ERI3: variants seen among roughly 807,000 people sequenced by gnomAD.
The protein encoded by ERI3 is ERI1 exoribonuclease family member 3, also known as ERI1 exoribonuclease 3.
In ERI3, 18 loss-of-function variants were observed where a neutral mutation model predicts 44.4. The ratio of observed to expected loss-of-function variants is 0.41; its 90% confidence interval spans 0.28 to 0.60. The LOEUF (loss-of-function observed/expected upper bound fraction) is 0.60. Ranked by LOEUF, ERI3 falls within the 20% of genes least tolerant of loss-of-function variation. ERI3 has a pLI of 0.36. For synonymous variants in ERI3, 183 were observed against 164.8 expected, an observed-to-expected ratio of 1.11 and a Z score of -0.84; for missense variants, 294 against 435.5, an observed-to-expected ratio of 0.68 and a Z score of 2.89.
At chr1:44,336,094 T>C (rs898120374) in intron 3 of ERI3, among the ~76,000 whole-genome samples, 1 of 152,176 alleles carries the variant, frequency 6.6e-6, no homozygotes, top group Admixed American at 6.5e-5. Context: ...TTTTCTAAGT[T>C]CTATTTTTGT....
intron 3 of ERI3, among the ~76,000 whole-genome samples, chr1:44,325,797 G>GATT (rs1646301206): frequency 6.6e-6 from 1 of 152,080 alleles, no homozygotes. Flanking sequence ...AAGTAGCTGG[G>GATT]ATTACCATGC....
At chr1:44,330,173 T>C (rs949835948) in intron 3 of ERI3, among the ~76,000 whole-genome samples, 6 of 152,202 alleles carry the variant, frequency 3.9e-5, no homozygotes, top group Admixed American at 3.9e-4. Flanking sequence ...TCAAATTTCC[T>C]TTTCCGGCTC....
In ERI3 at chr1:44,221,781, G is replaced by A. The variant is rs1643903337; in HGVS notation, c.932-141C>T. 1 of 665,102 alleles carries A rather than the reference G, an allele frequency of 1.5e-6. No individual in the cohort carries two copies. Among genetic ancestry groups the A allele is most frequent in the Non-Finnish European group, 2.7e-6 (1 of 374,424 alleles). 41.2% of individuals were successfully genotyped at this position (665,102 alleles called of 1,614,324 possible). On this transcript the variant is annotated intron_variant, in intron 8 of 8. Transcript: ENST00000372257. This position sits in a 1 kb window ranked among gnomAD's most constrained non-coding sequence, Gnocchi z 5.9. ...AGAGAGGGTGGTCCCATCCCCTGGT[G>A]GCAGCATTCCTAGCTTCAGGTTGGT...
intron 1 of ERI3, chr1:44,354,236 CAA>C (rs1405549937): frequency 1.0e-6 from 1 of 985,308 alleles, no homozygotes; most frequent in Non-Finnish European, 1.2e-6. Context: ...AAATGTCTGA[CAA>C]GAGTAAATGC....
At chr1:44,307,488 T>C (rs1572238064) in intron 6 of ERI3, among the ~76,000 whole-genome samples, 1 of 152,040 alleles carries the variant, frequency 6.6e-6, no homozygotes, top group Admixed American at 6.6e-5. Flanking sequence ...AACACAGAGG[T>C]AATCGATTCT....
intron 5 of ERI3, among the ~76,000 whole-genome samples, chr1:44,309,251 T>G (rs1473057745): frequency 6.6e-6 from 1 of 152,074 alleles, no homozygotes; most frequent in Non-Finnish European, 1.5e-5. Context: ...TCCCAGCACT[T>G]TGGGAGGCAG....
chr1:44,221,790 C>A lies in ERI3; in HGVS notation c.932-150G>T. 1.5e-6 allele frequency: 1 copy of A among 651,004 alleles called. No individual in the cohort carries two copies. 40.3% of individuals were successfully genotyped at this position (651,004 alleles called of 1,614,324 possible). A position where few individuals can be genotyped will look rare whatever the true frequency, so the allele number is the denominator to read the frequency against. Reference sequence around the variant, plus strand: ...GGTCCCATCCCCTGGTGGCAGCATTCCTAGCTTCAGGTTGGTCTGGGTGAT... The same window carrying A: ...GGTCCCATCCCCTGGTGGCAGCATTACTAGCTTCAGGTTGGTCTGGGTGAT... On this transcript the variant is annotated intron_variant, in intron 8 of 8. Transcript: ENST00000372257. The surrounding 1 kb of genome is among the most constrained non-coding windows in gnomAD (Gnocchi z 5.9).
At chr1:44,341,640 A>T (rs1646654945) in intron 2 of ERI3, among the ~76,000 whole-genome samples, 1 of 152,176 alleles carries the variant, frequency 6.6e-6, no homozygotes. Flanking sequence ...TAATCCCAGC[A>T]CTGTGGGAGG....
At chr1:44,329,253 C>T (rs77622682) in intron 3 of ERI3, among the ~76,000 whole-genome samples, 1,843 of 152,326 alleles carry the variant, frequency 0.012, 70 homozygotes, top group East Asian at 0.069. Flanking sequence ...CAACCCTGGC[C>T]ACAAATTTGG....
intron 2 of ERI3, among the ~76,000 whole-genome samples, chr1:44,340,610 ACT>A (rs752232748): frequency 2.0e-5 from 3 of 152,172 alleles, no homozygotes; most frequent in African/African-American, 7.2e-5. Context: ...CTCTCTCCTG[ACT>A]CACTGAATGA....
intron 5 of ERI3, among the ~76,000 whole-genome samples, chr1:44,309,018 G>A (rs1304343809): frequency 6.6e-6 from 1 of 152,136 alleles, no homozygotes; most frequent in Non-Finnish European, 1.5e-5. Flanking sequence ...TATTTCTCCT[G>A]TTCATGGTTG....
chr1:44,344,706 A>AC (rs1646750003), intron 2 of ERI3, among the ~76,000 whole-genome samples: 1 of 152,246 alleles, frequency 6.6e-6, no homozygotes, highest in Non-Finnish European at 1.5e-5. Context: ...AACTCAAAAG[A>AC]AAGTTTATGA....
At chr1:44,339,353 AAAAAAG>A in intron 2 of ERI3, 31 bp from the exon 3 acceptor site, 1 of 1,491,724 alleles carries the variant, frequency 6.7e-7, no homozygotes, top group Non-Finnish European at 8.9e-7. Context: ...AAAAAAAAAA[AAAAAAG>A]AAAAGAAAGA....
At chr1:44,269,664 T>A (rs1017679313) in intron 7 of ERI3, among the ~76,000 whole-genome samples, 1 of 152,220 alleles carries the variant, frequency 6.6e-6, no homozygotes, top group African/African-American at 2.4e-5. Flanking sequence ...TCACTGACTT[T>A]CATTGAACAC....
intron 8 of ERI3, among the ~76,000 whole-genome samples, chr1:44,240,438 T>C (rs1417400571): frequency 6.6e-6 from 1 of 152,160 alleles, no homozygotes; most frequent in African/African-American, 2.4e-5. Context: ...TGGTGACATG[T>C]CGCGTGTCTG....
chr1:44,222,187 G>A (rs1251846344), intron 8 of ERI3, among the ~76,000 whole-genome samples: 1 of 152,244 alleles, frequency 6.6e-6, no homozygotes, highest in Non-Finnish European at 1.5e-5. Context: ...GCTTGGCACT[G>A]CTGGGCCAGG....
At position 44,355,147 on chromosome 1, in the gene ERI3, C is replaced by A; in HGVS notation, c.-121G>T. 2 of 1,222,890 alleles carry A rather than the reference C, an allele frequency of 1.6e-6. No individual in the cohort carries two copies. The highest frequency in any genetic ancestry group is 2.0e-6 in the Non-Finnish European group (2 of 978,830). The allele number at this position is 1,222,890 out of a possible 1,614,324, so 75.8% of individuals were successfully genotyped here. A position where few individuals can be genotyped will look rare whatever the true frequency, so the allele number is the denominator to read the frequency against. ...CGGCGGCGGGCGCGGCCCGCGCCGA[C>A]TGCGGCGCCGGCCAGGCAGAGGCAG... On this transcript the variant is annotated 5_prime_UTR_variant, in exon 1 of 9. Transcript: ENST00000372257.
At chr1:44,247,768 C>T (rs1434513996) in intron 8 of ERI3, among the ~76,000 whole-genome samples, 171 bp downstream of exon 8, 1 of 152,086 alleles carries the variant, frequency 6.6e-6, no homozygotes, top group African/African-American at 2.4e-5. Context: ...TCCAGTGGTC[C>T]CATTCAGTAA....
rs1057167374 is a variant in ERI3, at chr1:44,326,653, T to C, written c.490-6909A>G. ...TTGTGCTTCGGGTCATCTTTGGCAT[T>C]TGGCTGTTTGGGTTTTAATTGCTGA... On this transcript the variant is annotated intron_variant, in intron 3 of 8. Coordinates refer to ENST00000372257, the MANE Select transcript of ERI3 (RefSeq NM_024066.3). Among the ~76,000 whole-genome samples the C allele has an allele frequency of 1.2e-4, 18 of 152,324 alleles. No individual in the cohort carries two copies. The East Asian group carries it at 3.5e-3, about 29-fold the overall frequency.
Sources: allele counts gnomAD v4.1 joint callset (sites outside exome capture counted in the v4.1 genomes callset), GRCh38; gene constraint gnomAD v4.1.1; non-coding constraint Gnocchi (gnomAD v3.1); transcripts MANE v1.5; gene names NCBI Gene and HGNC (gene_info 2026-07-23, HGNC 2026-07-21).